Variants in ARHGAP22 observed in about 807,000 individuals in gnomAD.
ARHGAP22 encodes rho GTPase-activating protein 22.
A neutral mutation model predicts 59.1 loss-of-function variants in ARHGAP22; 48 were observed. That is an observed-to-expected ratio of 0.81 (90% CI 0.64 to 1.03). The LOEUF (loss-of-function observed/expected upper bound fraction) is 1.03. Among genes scored for constraint, ARHGAP22 ranks in the 50% least tolerant of loss-of-function variants. The probability of loss-of-function intolerance (pLI) is 0.00; values close to 1 mark genes in which losing one functional copy is unlikely to be tolerated. For synonymous variants in ARHGAP22, 445 were observed against 416.4 expected, an observed-to-expected ratio of 1.07 and a Z score of -0.84; for missense variants, 1,015 against 958.7, an observed-to-expected ratio of 1.06 and a Z score of -0.78.
At chr10:48,526,848 C>G (rs1247347110) in intron 3 of ARHGAP22, among the ~76,000 whole-genome samples, 1 of 152,186 alleles carries the variant, frequency 6.6e-6, no homozygotes, top group Non-Finnish European at 1.5e-5. Context: ...ATATCAACTC[C>G]CAAGGCAGTT....
At position 48,524,032 on chromosome 10, in the gene ARHGAP22, G is replaced by A. The variant is rs1053892469; in HGVS notation, c.322+31431C>T. 9.5e-6 allele frequency: 14 copies of A among 1,471,218 alleles called. No homozygotes were observed. In the African/African-American group the frequency reaches 1.8e-4, roughly 18 times the overall value. 91.1% of individuals were successfully genotyped at this position (1,471,218 alleles called of 1,614,324 possible). On this transcript the variant is annotated intron_variant, in intron 3 of 9. Coordinates refer to ENST00000249601, the MANE Select transcript of ARHGAP22 (RefSeq NM_021226.4). The stretch of plus-strand genomic sequence containing the variant: ...TGGCGGCGGCCGCAGGGAGCGGGGC[G>A]CACGTGCGCGCCGGAGTTACCTTTG...
At chr10:48,652,061 G>A (rs1370866576) in intron 1 of ARHGAP22, among the ~76,000 whole-genome samples, 1 of 152,146 alleles carries the variant, frequency 6.6e-6, no homozygotes, top group Non-Finnish European at 1.5e-5. Context: ...CAGGGGTGGG[G>A]TTTGTGCCAT....
At chr10:48,505,684 G>A (rs2052039410) in intron 3 of ARHGAP22, among the ~76,000 whole-genome samples, 1 of 152,162 alleles carries the variant, frequency 6.6e-6, no homozygotes, top group Non-Finnish European at 1.5e-5. Flanking sequence ...GGATCCCCTG[G>A]GAGGATTTTT....
intron 3 of ARHGAP22, among the ~76,000 whole-genome samples, chr10:48,522,993 C>T (rs1164823993): frequency 6.6e-6 from 1 of 152,238 alleles, no homozygotes; most frequent in Non-Finnish European, 1.5e-5. Context: ...TAAGCTACTT[C>T]AAACCCTTTG....
chr10:48,596,716 A>G (rs1283649873), intron 1 of ARHGAP22, among the ~76,000 whole-genome samples: 1 of 152,206 alleles, frequency 6.6e-6, no homozygotes, highest in Non-Finnish European at 1.5e-5. Context: ...ACCTCTTCCA[A>G]CTTCTGCCTT....
chr10:48,533,503 T>C (rs910569695), intron 3 of ARHGAP22, among the ~76,000 whole-genome samples: 1 of 152,262 alleles, frequency 6.6e-6, no homozygotes, highest in African/African-American at 2.4e-5. Flanking sequence ...TTTTGAACTA[T>C]TGTGGTATCA....
At chr10:48,532,682 T>C (rs1342410735) in intron 3 of ARHGAP22, 1 of 135,284 alleles carries the variant, frequency 7.4e-6, no homozygotes, top group Non-Finnish European at 1.6e-5. Flanking sequence ...TTCCCCTTCC[T>C]GTGTCCAAGT....
chr10:48,467,476 A>T (rs1467019595), intron 4 of ARHGAP22, among the ~76,000 whole-genome samples: 5 of 151,176 alleles, frequency 3.3e-5, no homozygotes, highest in African/African-American at 1.2e-4. Context: ...TTTAGCTTGT[A>T]CTGAATATTT....
chr10:48,580,048 C>T (rs1156868225), intron 2 of ARHGAP22, among the ~76,000 whole-genome samples: 1 of 152,050 alleles, frequency 6.6e-6, no homozygotes, highest in African/African-American at 2.4e-5. Context: ...TTTATTGTCC[C>T]AAGAGGAATT....
intron 3 of ARHGAP22, among the ~76,000 whole-genome samples, chr10:48,531,517 G>A (rs1287449917): frequency 6.6e-6 from 1 of 152,204 alleles, no homozygotes; most frequent in Non-Finnish European, 1.5e-5. Flanking sequence ...CATAGGAAGT[G>A]ATGCAAAATC....
chr10:48,454,841 A>C (rs11101327), intron 6 of ARHGAP22, among the ~76,000 whole-genome samples, 161 bp downstream of exon 6: 45 of 144,196 alleles, frequency 3.1e-4, no homozygotes, highest in African/African-American at 7.0e-4. Flanking sequence ...TCCCCCACCC[A>C]AGCAGGATGC....
chr10:48,635,131 A>G (rs2061764828), intron 1 of ARHGAP22, among the ~76,000 whole-genome samples: 1 of 151,986 alleles, frequency 6.6e-6, no homozygotes, highest in Admixed American at 6.6e-5. Context: ...TCCAGCACCC[A>G]TGGGAGGCTC....
chr10:48,453,914 T>G (rs531621992), intron 7 of ARHGAP22, among the ~76,000 whole-genome samples, 174 bp downstream of exon 7: 1 of 152,294 alleles, frequency 6.6e-6, no homozygotes, highest in South Asian at 2.1e-4. Context: ...CTTCGTGAAC[T>G]CAGGGTCTGT....
the ARHGAP22 span, chr10:48,437,424 T>C: frequency 6.6e-6 from 1 of 152,114 alleles, no homozygotes; most frequent in Non-Finnish European, 1.5e-5. Context: ...ACCTTTCTTA[T>C]TCTATAATTT....
intron 1 of ARHGAP22, among the ~76,000 whole-genome samples, chr10:48,618,102 T>C (rs889987651): frequency 3.9e-5 from 6 of 151,936 alleles, no homozygotes; most frequent in African/African-American, 1.2e-4. Context: ...TCAAACCTAA[T>C]GGAAATAAGT....
chr10:48,557,857 G>A (rs1357984293), intron 2 of ARHGAP22, among the ~76,000 whole-genome samples: 3 of 152,212 alleles, frequency 2.0e-5, no homozygotes, highest in African/African-American at 7.2e-5. Flanking sequence ...GGGGCCTGGG[G>A]AGCAGAGGGA....
chr10:48,438,006 A>G, the ARHGAP22 span: 1 of 152,256 alleles, frequency 6.6e-6, no homozygotes, highest in Non-Finnish European at 1.5e-5. Flanking sequence ...CTTGGTTTAC[A>G]CTATTGGCCA....
intron 3 of ARHGAP22, among the ~76,000 whole-genome samples, chr10:48,554,555 A>G (rs967521700): frequency 3.3e-5 from 5 of 152,096 alleles, no homozygotes; most frequent in African/African-American, 1.2e-4. Flanking sequence ...CTCCTTCCTC[A>G]AGCATCTGCA....
chr10:48,493,670 G>A, intron 3 of ARHGAP22: 1 of 1,401,300 alleles, frequency 7.1e-7, no homozygotes, highest in Admixed American at 3.0e-5. Context: ...GGGAACTTCT[G>A]CATTTATCAG....
Sources: gnomAD v4.1 joint callset for allele counts (sites outside exome capture counted in the v4.1 genomes callset) on GRCh38, gnomAD v4.1.1 for gene constraint, MANE v1.5 for transcripts, NCBI Gene and HGNC (gene_info 2026-07-23, HGNC 2026-07-21) for gene names.